The following PDZD8 variants were observed in gnomAD, a reference collection of about 807,000 sequenced individuals.
PDZD8 encodes the protein PDZ domain containing 8, also known as PDZ domain-containing protein 8.
PDZD8 carries 14 observed loss-of-function variants against 85.8 expected under a neutral mutation model. The observed-to-expected ratio is 0.16, with a 90% CI of 0.11 to 0.26. The LOEUF (loss-of-function observed/expected upper bound fraction) is 0.26, where lower values mean the gene tolerates loss of function less well. PDZD8 is among the 10% of genes least tolerant of loss of function. The probability of loss-of-function intolerance (pLI) is 1.00; values close to 1 mark genes in which losing one functional copy is unlikely to be tolerated. For synonymous variants in PDZD8, 592 were observed against 568.6 expected (o/e 1.04, Z -0.59); for missense variants, 1,197 against 1,424.3 (o/e 0.84, Z 2.57).
chr10:117,333,589 C>T (rs1439655686), intron 2 of PDZD8, among the ~76,000 whole-genome samples: 1 of 152,156 alleles, frequency 6.6e-6, no homozygotes, highest in Admixed American at 6.6e-5. Flanking sequence ...AAACTCAATG[C>T]TAACATAAAC....
At chr10:117,314,211 T>C (rs1354641683) in intron 3 of PDZD8, 1 of 152,216 alleles carries the variant, frequency 6.6e-6, no homozygotes, top group African/African-American at 2.4e-5. Context: ...CAAATATCTC[T>C]TTAATTGTAT....
At chr10:117,338,026 G>A (rs1450706446) in intron 2 of PDZD8, among the ~76,000 whole-genome samples, 1 of 152,124 alleles carries the variant, frequency 6.6e-6, no homozygotes, top group African/African-American at 2.4e-5. Context: ...TATTCAAAAT[G>A]AGATTAACTA....
intron 4 of PDZD8, chr10:117,285,802 GAAGAAGTGAAC>G: frequency 3.2e-6 from 3 of 949,494 alleles, no homozygotes; most frequent in Non-Finnish European, 2.5e-6. Flanking sequence ...AGTTTGAACT[GAAGAAGTGAAC>G]AGAGAGAGAT....
At chr10:117,343,762 C>T (rs907220771) in intron 1 of PDZD8, among the ~76,000 whole-genome samples, 1 of 152,154 alleles carries the variant, frequency 6.6e-6, no homozygotes, top group Non-Finnish European at 1.5e-5. Context: ...CAAAAATAAT[C>T]TAAAATCAGA....
At chr10:117,352,486 A>G (rs1844821872) in intron 1 of PDZD8, among the ~76,000 whole-genome samples, 1 of 152,252 alleles carries the variant, frequency 6.6e-6, no homozygotes, top group African/African-American at 2.4e-5. Flanking sequence ...CACAAAAAAG[A>G]AGACAAAGGA....
At chr10:117,350,063 G>A in intron 1 of PDZD8, among the ~76,000 whole-genome samples, 1 of 152,076 alleles carries the variant, frequency 6.6e-6, no homozygotes, top group South Asian at 2.1e-4. Context: ...TACTTAGCAT[G>A]TGAAAGGCAT....
intron 3 of PDZD8, among the ~76,000 whole-genome samples, chr10:117,298,467 C>T (rs1373074621): frequency 6.6e-6 from 1 of 152,062 alleles, no homozygotes; most frequent in East Asian, 1.9e-4. Flanking sequence ...CCTACTATTA[C>T]AGGCAAGGAG....
intron 1 of PDZD8, among the ~76,000 whole-genome samples, chr10:117,348,832 G>C (rs1272738222): frequency 6.6e-6 from 1 of 152,108 alleles, no homozygotes; most frequent in African/African-American, 2.4e-5. Flanking sequence ...TGTAACTCCA[G>C]AGCCTGATCT....
chr10:117,329,513 C>T (rs1844379045), intron 2 of PDZD8, among the ~76,000 whole-genome samples: 1 of 151,980 alleles, frequency 6.6e-6, no homozygotes, highest in Non-Finnish European at 1.5e-5. Context: ...TGACGTTGAG[C>T]AGTAGGATAT....
chr10:117,290,413 A>G, intron 3 of PDZD8, 65 bp from the exon 4 acceptor site: 1 of 1,308,072 alleles, frequency 7.6e-7, no homozygotes, highest in South Asian at 1.4e-5. Flanking sequence ...GGAAAAAAAC[A>G]GTAACAGACT....
chr10:117,374,945 A>C lies in PDZD8; in HGVS notation c.283T>G (p.Cys95Gly). 6.2e-7 allele frequency: 1 copy of C among 1,611,716 alleles called. No individual in the cohort carries two copies. ...AGGATGGTGGCGTTGAGGAAGTAGC[A>C]AGTCTCCCGCGTCGGCGGGGCGGGG... ...ETPAPPTRET[C>G]YFLNATILFL... The change falls in exon 1 of 5, where the codon TGC becomes GGC. Residue 95 changes from cysteine (C) to glycine (G), a missense_variant. Coordinates refer to ENST00000334464, the MANE Select transcript of PDZD8 (RefSeq NM_173791.5). This position sits in a 1 kb window ranked among gnomAD's most constrained non-coding sequence, Gnocchi z 7.8.
intron 1 of PDZD8, among the ~76,000 whole-genome samples, chr10:117,356,462 T>C (rs1379434247): frequency 6.6e-6 from 1 of 152,210 alleles, no homozygotes; most frequent in Non-Finnish European, 1.5e-5. Flanking sequence ...TTAAATCGTT[T>C]CATTTTACTG....
chr10:117,322,303 C>T (rs1354940735), intron 2 of PDZD8, among the ~76,000 whole-genome samples: 2 of 152,188 alleles, frequency 1.3e-5, no homozygotes, highest in African/African-American at 2.4e-5. Flanking sequence ...CCAGAGACCT[C>T]GAGGAACATG....
intron 1 of PDZD8, among the ~76,000 whole-genome samples, chr10:117,373,615 A>T (rs1845233551): frequency 6.7e-6 from 1 of 148,192 alleles, no homozygotes; most frequent in Non-Finnish European, 1.5e-5. Context: ...AAAAAAAAAA[A>T]AAAAAAAAAA....
At chr10:117,351,288 A>G (rs957284140) in intron 1 of PDZD8, among the ~76,000 whole-genome samples, 4 of 152,240 alleles carry the variant, frequency 2.6e-5, no homozygotes, top group African/African-American at 9.6e-5. Context: ...ACATTCACAC[A>G]GTGGAATACT....
chr10:117,333,081 T>G (rs1380246679), intron 2 of PDZD8, among the ~76,000 whole-genome samples: 3 of 123,980 alleles, frequency 2.4e-5, no homozygotes, highest in Non-Finnish European at 4.8e-5. Context: ...ATTGCACCAT[T>G]GCACTCCAGC....
intron 2 of PDZD8, among the ~76,000 whole-genome samples, chr10:117,326,781 C>A (rs772810209): frequency 6.6e-6 from 1 of 152,190 alleles, no homozygotes; most frequent in African/African-American, 2.4e-5. Context: ...AATAGAATTT[C>A]TACCTACTAG....
chr10:117,279,522 CTA>C lies in PDZD8; in HGVS notation c.*3744_*3745del, dbSNP rs1844548837. 2 of 152,162 alleles carry C rather than the reference CTA, an allele frequency of 1.3e-5. No homozygotes were observed. Among genetic ancestry groups the C allele is most frequent in the African/African-American group, 4.8e-5 (2 of 41,434 alleles). The allele number at this position is 152,162 out of a possible 1,614,324, so 9.4% of individuals were successfully genotyped here. The stretch of plus-strand genomic sequence containing the variant: ...TTGACTGTGGATATTTAATTAAAAA[CTA>C]TTTTTCTGTGCTTGTAGGCATCAGG... On this transcript the variant is annotated 3_prime_UTR_variant, in exon 5 of 5. Coordinates refer to ENST00000334464, the MANE Select transcript of PDZD8 (RefSeq NM_173791.5).
rs746519248 is a variant in PDZD8, at chr10:117,283,416, C to T, written c.3317G>A (p.Ser1106Asn). ...TTTGGAGTGCTGGTCTAAAGACAGA[C>T]TTTCTAAAGTTTCTATATCTTCAAT... is the stretch of plus-strand genomic sequence containing the variant. Reference protein sequence around the residue: ...AGIEDIETLESLSLDQHSKKI... With the variant: ...AGIEDIETLENLSLDQHSKKI... Residue 1106 changes from serine (S) to asparagine (N), a missense_variant, in exon 5 of 5, where the codon AGT (serine) becomes AAT (asparagine). Ser to Asn is a conservative substitution (Grantham distance 46). Coordinates refer to ENST00000334464, the MANE Select transcript of PDZD8 (RefSeq NM_173791.5). 8 of 1,614,064 alleles carry T rather than the reference C, an allele frequency of 5.0e-6. No homozygotes were observed. The South Asian group carries it at 6.6e-5, about 13-fold the overall frequency.
Sources: allele counts gnomAD v4.1 joint callset (sites outside exome capture counted in the v4.1 genomes callset), GRCh38; gene constraint gnomAD v4.1.1; non-coding constraint Gnocchi (gnomAD v3.1); transcripts MANE v1.5; gene names NCBI Gene and HGNC (gene_info 2026-07-23, HGNC 2026-07-21).